The following DPP6 variants were observed in gnomAD, a reference collection of about 807,000 sequenced individuals.
DPP6 encodes A-type potassium channel modulatory protein DPP6.
In DPP6, 69 loss-of-function variants were observed where a neutral mutation model predicts 122.6. The ratio of observed to expected loss-of-function variants is 0.56; its 90% CI spans 0.46 to 0.69. The LOEUF is 0.69. DPP6 is among the 30% of genes least tolerant of loss of function. DPP6 has a pLI of 0.00. For synonymous variants in DPP6, 418 were observed against 433.1 expected, an observed-to-expected ratio of 0.97 and a Z score of 0.43; for missense variants, 928 against 1,116.9, an observed-to-expected ratio of 0.83 and a Z score of 2.41.
At chr7:153,800,184 CAAAT>C in the DPP6 span, among the ~76,000 whole-genome samples, 2 of 152,088 alleles carry the variant, frequency 1.3e-5, no homozygotes, top group African/African-American at 2.4e-5. Context: ...TGTCCATCAA[CAAAT>C]GAATGGATAG....
chr7:154,429,498 C>G (rs149824390), intron 1 of DPP6, among the ~76,000 whole-genome samples: 1 of 152,202 alleles, frequency 6.6e-6, no homozygotes, highest in South Asian at 2.1e-4. Context: ...TGGTTCACTA[C>G]GACAGAGCAT....
At chr7:154,857,298 T>C (rs1802924813) in intron 17 of DPP6, among the ~76,000 whole-genome samples, 1 of 152,210 alleles carries the variant, frequency 6.6e-6, no homozygotes, top group South Asian at 2.1e-4. Context: ...GGGTTCCAGG[T>C]TCCTGAACAC....
intron 2 of DPP6, among the ~76,000 whole-genome samples, chr7:154,462,356 T>C (rs1242618585): frequency 6.6e-6 from 1 of 152,226 alleles, no homozygotes; most frequent in Non-Finnish European, 1.5e-5. Flanking sequence ...TCTTTTGTGA[T>C]TCCATGTAAA....
intron 1 of DPP6, among the ~76,000 whole-genome samples, chr7:153,943,676 G>A (rs572021176): frequency 5.9e-5 from 9 of 152,308 alleles, no homozygotes; most frequent in Non-Finnish European, 7.3e-5. Context: ...AGCTCCAGCC[G>A]TGGTGTGAAT....
At chr7:154,803,725 G>A (rs1798519314) in intron 13 of DPP6, 139 bp from the exon 14 acceptor site, 1 of 1,326,852 alleles carries the variant, frequency 7.5e-7, no homozygotes, top group East Asian at 2.6e-5. Flanking sequence ...AGAGGAGCAG[G>A]CAGAAGGGGC....
chr7:154,482,394 A>T (rs55946129), intron 3 of DPP6, among the ~76,000 whole-genome samples: 7 of 152,042 alleles, frequency 4.6e-5, no homozygotes, highest in African/African-American at 1.2e-4. Context: ...ACATGGTGCA[A>T]GCTTAGGCTG....
At chr7:154,639,703 G>A (rs1286861679) in intron 6 of DPP6, among the ~76,000 whole-genome samples, 1 of 152,178 alleles carries the variant, frequency 6.6e-6, no homozygotes, top group Non-Finnish European at 1.5e-5. Flanking sequence ...TAGATACCTG[G>A]AGCCTGGTGA....
intron 1 of DPP6, among the ~76,000 whole-genome samples, chr7:153,953,496 C>T (rs567203097): frequency 1.1e-4 from 16 of 152,170 alleles, no homozygotes; most frequent in South Asian, 4.2e-4. Flanking sequence ...TGCTGTGGTT[C>T]GGGGAAAGAT....
intron 7 of DPP6, among the ~76,000 whole-genome samples, chr7:154,696,377 G>T (rs1477834831): frequency 6.6e-6 from 1 of 152,198 alleles, no homozygotes; most frequent in African/African-American, 2.4e-5. Flanking sequence ...GCCCTGGTCT[G>T]CCCAGAGCAG....
chr7:154,325,889 T>G (rs934740659), intron 1 of DPP6, among the ~76,000 whole-genome samples: 2 of 152,190 alleles, frequency 1.3e-5, no homozygotes, highest in Non-Finnish European at 2.9e-5. Flanking sequence ...GTCTTACTTT[T>G]TTGGAGGTTT....
At chr7:154,271,549 C>T (rs944180523) in intron 1 of DPP6, among the ~76,000 whole-genome samples, 2 of 152,170 alleles carry the variant, frequency 1.3e-5, no homozygotes, top group African/African-American at 4.8e-5. Flanking sequence ...ACAATTCCCT[C>T]CATCTTACCT....
At chr7:154,726,229 G>A (rs1842059151) in intron 7 of DPP6, among the ~76,000 whole-genome samples, 2 of 152,308 alleles carry the variant, frequency 1.3e-5, no homozygotes. Context: ...GTGCCCCAGT[G>A]GGGTCTCTGT....
At chr7:153,876,813 C>T in the DPP6 span, among the ~76,000 whole-genome samples, 1 of 152,060 alleles carries the variant, frequency 6.6e-6, no homozygotes, top group African/African-American at 2.4e-5. Flanking sequence ...CAAACCTGTA[C>T]AGCATGTTGC....
rs1056428695 is a variant in DPP6 at position 154,833,871 on chromosome 7, T to C, written c.1667-19909T>C. ...TTATTTTCTTTCTGGGTACAAGAGTTGGTGGTGGCCTTAGCAGAACTGGAT... is the reference window on the plus strand; with the variant it reads ...TTATTTTCTTTCTGGGTACAAGAGTCGGTGGTGGCCTTAGCAGAACTGGAT... On this transcript the variant is annotated intron_variant, in intron 16 of 25. Transcript: ENST00000377770. The surrounding 1 kb of genome is among the most constrained non-coding windows in gnomAD (Gnocchi z 4.3). 6.6e-6 allele frequency among the ~76,000 whole-genome samples: 1 copy of C among 152,162 alleles called. No individual in the cohort carries two copies. Among genetic ancestry groups the C allele is most frequent in the African/African-American group, 2.4e-5 (1 of 41,424 alleles).
At chr7:154,678,496 C>G (rs888603116) in intron 7 of DPP6, among the ~76,000 whole-genome samples, 1 of 152,056 alleles carries the variant, frequency 6.6e-6, no homozygotes, top group Admixed American at 6.6e-5. Flanking sequence ...CTGAAGTCAC[C>G]AAGACCACGA....
At chr7:154,198,729 T>C (rs1274340419) in intron 1 of DPP6, among the ~76,000 whole-genome samples, 1 of 152,212 alleles carries the variant, frequency 6.6e-6, no homozygotes, top group Non-Finnish European at 1.5e-5. Context: ...TTAACCATTG[T>C]TATACAAACA....
At chr7:154,778,823 C>T (rs1298592356) in intron 10 of DPP6, among the ~76,000 whole-genome samples, 1 of 86,236 alleles carries the variant, frequency 1.2e-5, no homozygotes, top group Non-Finnish European at 2.4e-5. Context: ...AACTTCCAAC[C>T]TTCACCACCT....
chr7:154,677,245 C>T (rs1301464359), intron 7 of DPP6, among the ~76,000 whole-genome samples: 2 of 152,186 alleles, frequency 1.3e-5, no homozygotes, highest in African/African-American at 2.4e-5. Context: ...CTTCTTAATA[C>T]GCCAACAGCG....
chr7:153,934,396 A>T (rs1023709238), intron 1 of DPP6, among the ~76,000 whole-genome samples: 7 of 152,082 alleles, frequency 4.6e-5, no homozygotes, highest in African/African-American at 1.4e-4. Flanking sequence ...ATAAAATAAC[A>T]GTGTGGAATA....
Sources: gnomAD v4.1 joint callset for allele counts (sites outside exome capture counted in the v4.1 genomes callset) on GRCh38, gnomAD v4.1.1 for gene constraint, Gnocchi (gnomAD v3.1) non-coding constraint, MANE v1.5 for transcripts, NCBI Gene and HGNC (gene_info 2026-07-23, HGNC 2026-07-21) for gene names.